The following SLC4A10 variants were observed in gnomAD, a reference collection of about 807,000 sequenced individuals.
The protein encoded by SLC4A10 is solute carrier family 4 member 10.
Under a neutral mutation model 137.7 loss-of-function variants are expected in SLC4A10, and 42 were observed. The ratio of observed to expected loss-of-function variants is 0.30; its 90% CI spans 0.24 to 0.39. SLC4A10 has a LOEUF of 0.39. Ranked by LOEUF, SLC4A10 falls within the 10% of genes least tolerant of loss-of-function variation. The pLI is 1.00. For missense variants in SLC4A10, 925 were observed against 1,355.0 expected, an observed-to-expected ratio of 0.68 and a Z score of 4.98; for synonymous variants, 474 against 464.1, an observed-to-expected ratio of 1.02 and a Z score of -0.27.
At chr2:161,709,062 TG>T (rs2044005788) in intron 1 of SLC4A10, among the ~76,000 whole-genome samples, 1 of 151,146 alleles carries the variant, frequency 6.6e-6, no homozygotes, top group African/African-American at 2.4e-5. Flanking sequence ...TTTAGCTTTT[TG>T]GGGGAGAGGG....
chr2:161,740,129 G>A (rs1028786338), intron 1 of SLC4A10, among the ~76,000 whole-genome samples: 1 of 152,156 alleles, frequency 6.6e-6, no homozygotes, highest in Non-Finnish European at 1.5e-5. Context: ...AGCCCACTGA[G>A]CTGATTTGTT....
chr2:161,941,265 A>G (rs1692632227), intron 15 of SLC4A10, among the ~76,000 whole-genome samples: 1 of 152,130 alleles, frequency 6.6e-6, no homozygotes, highest in Non-Finnish European at 1.5e-5. Context: ...AGCAAAATCT[A>G]CTGAGGAGAG....
At chr2:161,669,420 A>G (rs1223656036) in intron 1 of SLC4A10, among the ~76,000 whole-genome samples, 2 of 151,894 alleles carry the variant, frequency 1.3e-5, no homozygotes, top group Non-Finnish European at 2.9e-5. Context: ...ACACACATAT[A>G]TAACATAAAT....
chr2:161,764,736 G>T (rs2050612783), intron 1 of SLC4A10, among the ~76,000 whole-genome samples: 1 of 152,026 alleles, frequency 6.6e-6, no homozygotes, highest in Non-Finnish European at 1.5e-5. Context: ...ATGAAATGCG[G>T]TGGCCCATAT....
chr2:161,852,101 G>A (rs746896315), intron 4 of SLC4A10, among the ~76,000 whole-genome samples: 3 of 152,016 alleles, frequency 2.0e-5, no homozygotes, highest in African/African-American at 2.4e-5. Flanking sequence ...GTTACCCATC[G>A]CCTCACTGTT....
chr2:161,931,194 A>T (rs1470781645), intron 15 of SLC4A10: 1 of 152,242 alleles, frequency 6.6e-6, no homozygotes, highest in Non-Finnish European at 1.5e-5. Flanking sequence ...ATATCCTGAG[A>T]TGATTGGCTG....
intron 26 of SLC4A10, among the ~76,000 whole-genome samples, chr2:161,980,094 A>C (rs1700001968): frequency 6.6e-6 from 1 of 152,260 alleles, no homozygotes; most frequent in South Asian, 2.1e-4. Context: ...TAACGACCAC[A>C]TTGCATCAGA....
chr2:161,898,262 A>T (rs529817281), intron 11 of SLC4A10, among the ~76,000 whole-genome samples: 3 of 152,282 alleles, frequency 2.0e-5, no homozygotes, highest in South Asian at 2.1e-4. Context: ...TTGCCATTGT[A>T]ACTAAAGATC....
At position 161,983,379 on chromosome 2, in the gene SLC4A10, T is replaced by G. The variant is rs909029903; in HGVS notation, c.*227T>G. The G allele has an allele frequency of 9.6e-6, 7 of 729,702 alleles. No homozygotes were observed. The highest frequency in any genetic ancestry group is 1.5e-5 in the Non-Finnish European group (7 of 454,632). 45.2% of individuals were successfully genotyped at this position (729,702 alleles called of 1,614,324 possible). On this transcript the variant is annotated 3_prime_UTR_variant, in exon 27 of 27. Transcript: ENST00000446997. ...TTCATACTGTAAGTAGTGCAATACTTGTTTCATTTCTGTGTTTAAACTTCT... is the reference window on the plus strand; with the variant it reads ...TTCATACTGTAAGTAGTGCAATACTGGTTTCATTTCTGTGTTTAAACTTCT...
intron 1 of SLC4A10, among the ~76,000 whole-genome samples, chr2:161,751,157 T>C (rs1299669650): frequency 6.6e-6 from 1 of 151,780 alleles, no homozygotes. Context: ...ATCTTGCTTA[T>C]TTTTTGTTGT....
intron 25 of SLC4A10, chr2:161,977,415 C>T (rs551569348): frequency 4.1e-6 from 2 of 488,310 alleles, no homozygotes; most frequent in African/African-American, 2.0e-5. Flanking sequence ...GTACAAACAA[C>T]TCCTGTAGTT....
intron 1 of SLC4A10, among the ~76,000 whole-genome samples, chr2:161,644,219 G>A (rs1324491126): frequency 6.6e-6 from 1 of 152,070 alleles, no homozygotes; most frequent in Non-Finnish European, 1.5e-5. Context: ...TAACACGACT[G>A]GGCATAGTTG....
At chr2:161,861,959 G>A (rs2060457845) in intron 5 of SLC4A10, among the ~76,000 whole-genome samples, 1 of 152,140 alleles carries the variant, frequency 6.6e-6, no homozygotes, top group Non-Finnish European at 1.5e-5. Context: ...GCAGTGGAAG[G>A]CAGCTCATTG....
At chr2:161,630,815 A>G (rs1178389202) in intron 1 of SLC4A10, among the ~76,000 whole-genome samples, 1 of 151,774 alleles carries the variant, frequency 6.6e-6, no homozygotes, top group East Asian at 1.9e-4. Context: ...AGCCTTGCAG[A>G]TGAGAAACTG....
chr2:161,879,364 AT>A, intron 9 of SLC4A10, 76 bp downstream of exon 9: 1 of 1,410,800 alleles, frequency 7.1e-7, no homozygotes, highest in Non-Finnish European at 9.5e-7. Flanking sequence ...ATTCAATGTA[AT>A]TTTCTGTTAG....
chr2:161,713,553 T>G (rs1429703049), intron 1 of SLC4A10, among the ~76,000 whole-genome samples: 1 of 151,802 alleles, frequency 6.6e-6, no homozygotes, highest in Non-Finnish European at 1.5e-5. Flanking sequence ...TAAACTCCAT[T>G]TTATTGGTAC....
chr2:161,862,226 T>A (rs754661746), intron 5 of SLC4A10, among the ~76,000 whole-genome samples: 32 of 152,188 alleles, frequency 2.1e-4, no homozygotes, highest in Admixed American at 6.5e-4. Flanking sequence ...TAATCTAACA[T>A]TCTCAAGGGA....
intron 1 of SLC4A10, among the ~76,000 whole-genome samples, chr2:161,719,774 A>G (rs1180349607): frequency 6.6e-6 from 1 of 151,710 alleles, no homozygotes; most frequent in Non-Finnish European, 1.5e-5. Flanking sequence ...ATTTGAGTTC[A>G]TTGTAGATTC....
intron 1 of SLC4A10, among the ~76,000 whole-genome samples, chr2:161,739,498 G>A (rs2047665033): frequency 6.6e-6 from 1 of 152,100 alleles, no homozygotes; most frequent in Non-Finnish European, 1.5e-5. Flanking sequence ...CATATGGTTG[G>A]CCATCCAAAT....
Sources: allele counts gnomAD v4.1 joint callset (sites outside exome capture counted in the v4.1 genomes callset), GRCh38; gene constraint gnomAD v4.1.1; transcripts MANE v1.5; gene names NCBI Gene and HGNC (gene_info 2026-07-23, HGNC 2026-07-21).